Variants in MARCHF1 observed in about 807,000 individuals in gnomAD.
MARCHF1 encodes the protein E3 ubiquitin-protein ligase MARCHF1.
Under a neutral mutation model 54.2 loss-of-function variants are expected in MARCHF1, and 40 were observed. That is an observed-to-expected ratio of 0.74 (90% CI 0.57 to 0.96). The LOEUF (loss-of-function observed/expected upper bound fraction) is 0.96, where lower values mean the gene tolerates loss of function less well. MARCHF1 is among the 40% of genes least tolerant of loss of function. The pLI is 0.00. For synonymous variants in MARCHF1, 236 were observed against 236.3 expected, an observed-to-expected ratio of 1.00 and a Z score of 0.01; for missense variants, 586 against 656.5, an observed-to-expected ratio of 0.89 and a Z score of 1.17.
chr4:163,756,425 G>A (rs545257241), intron 4 of MARCHF1, among the ~76,000 whole-genome samples: 2 of 151,662 alleles, frequency 1.3e-5, no homozygotes, highest in East Asian at 1.9e-4. Context: ...TCAGGAGATC[G>A]AGACTATCCT....
intron 1 of MARCHF1, among the ~76,000 whole-genome samples, chr4:164,233,525 C>T (rs1278113195): frequency 6.6e-6 from 1 of 152,096 alleles, no homozygotes; most frequent in Non-Finnish European, 1.5e-5. Context: ...GTCTGTTTAC[C>T]TCTCATGACA....
intron 1 of MARCHF1, among the ~76,000 whole-genome samples, chr4:164,247,723 G>A (rs868194984): frequency 8.0e-5 from 12 of 150,764 alleles, no homozygotes; most frequent in Admixed American, 2.7e-4. Flanking sequence ...ATATTATGTC[G>A]CTGTTTTTTC....
chr4:163,600,795 A>C (rs1740938640), intron 7 of MARCHF1, among the ~76,000 whole-genome samples: 1 of 152,166 alleles, frequency 6.6e-6, no homozygotes. Flanking sequence ...GAACATGGAG[A>C]GGTTTTGATT....
At chr4:164,242,658 T>C (rs1478836874) in intron 1 of MARCHF1, among the ~76,000 whole-genome samples, 6 of 151,932 alleles carry the variant, frequency 3.9e-5, no homozygotes, top group Non-Finnish European at 8.8e-5. Context: ...GAGAAGAAGG[T>C]TTCAGATGAT....
intron 1 of MARCHF1, among the ~76,000 whole-genome samples, chr4:164,379,693 T>C (rs1038558700): frequency 6.6e-6 from 1 of 152,154 alleles, no homozygotes; most frequent in Non-Finnish European, 1.5e-5. Flanking sequence ...GTCAAAAGAA[T>C]AACAAATGTT....
chr4:164,190,353 G>A lies in MARCHF1; in HGVS notation c.-322-78691C>T, dbSNP rs1047069024. 3 of 614,808 alleles carry A rather than the reference G, an allele frequency of 4.9e-6. No individual in the cohort carries two copies. The Admixed American group carries it at 8.7e-5, about 18-fold the overall frequency. The allele number at this position is 614,808 out of a possible 1,614,324, so 38.1% of individuals were successfully genotyped here. A position where few individuals can be genotyped will look rare whatever the true frequency, so the allele number is the denominator to read the frequency against. On this transcript the variant is annotated intron_variant, in intron 1 of 9. Transcript: ENST00000514618. ...GAGTTGTAGACACAGATCTGCTACT[G>A]CTGTAATATTGTAAATACTGGACTC... is the stretch of plus-strand genomic sequence containing the variant.
Position 164,163,703 on chromosome 4 carries a change from T to G in MARCHF1, c.-322-52041A>C, listed in dbSNP as rs539449694. On this transcript the variant is annotated intron_variant, in intron 1 of 9. Coordinates refer to ENST00000514618, the MANE Select transcript of MARCHF1 (RefSeq NM_001394959.1). ...ATGAGAGAATGAATAATCAGAAAAT[T>G]AGTGGAACACATAAGCAACAGTATC... 2.5e-4 allele frequency among the ~76,000 whole-genome samples: 38 copies of G among 152,042 alleles called. No individual in the cohort carries two copies. The East Asian group carries it at 7.1e-3, about 29-fold the overall frequency.
intron 1 of MARCHF1, among the ~76,000 whole-genome samples, chr4:164,141,274 A>G (rs1489715064): frequency 6.6e-6 from 1 of 152,216 alleles, no homozygotes; most frequent in South Asian, 2.1e-4. Context: ...TTTTAAGATC[A>G]TCATGGGTCT....
chr4:164,226,980 G>A (rs996028887), intron 1 of MARCHF1, among the ~76,000 whole-genome samples: 1 of 151,994 alleles, frequency 6.6e-6, no homozygotes, highest in African/African-American at 2.4e-5. Flanking sequence ...ATTTGAGGGT[G>A]GTTTTTTATT....
At chr4:164,183,601 T>C (rs1730889606) in intron 1 of MARCHF1, among the ~76,000 whole-genome samples, 1 of 152,222 alleles carries the variant, frequency 6.6e-6, no homozygotes, top group African/African-American at 2.4e-5. Flanking sequence ...AGAAGTTTTG[T>C]TGCTTTGTTT....
chr4:163,853,963 T>C (rs1440394724), intron 4 of MARCHF1, 58 bp downstream of exon 4: 2 of 1,459,322 alleles, frequency 1.4e-6, no homozygotes, highest in African/African-American at 1.4e-5. Flanking sequence ...CTCTCCACAT[T>C]TCTTTAGCAT....
intron 1 of MARCHF1, among the ~76,000 whole-genome samples, chr4:164,317,013 C>G (rs2110744217): frequency 1.3e-5 from 2 of 152,252 alleles, no homozygotes; most frequent in Middle Eastern, 6.8e-3. Context: ...ATTGCCGAGT[C>G]TCAAGTAGTT....
intron 1 of MARCHF1, among the ~76,000 whole-genome samples, chr4:164,355,424 T>C (rs1192432567): frequency 1.1e-3 from 134 of 125,664 alleles, no homozygotes; most frequent in African/African-American, 3.9e-3. Context: ...GAGATATAGA[T>C]CAATGGAACA....
chr4:163,613,599 G>C, intron 5 of MARCHF1: 1 of 1,450,258 alleles, frequency 6.9e-7, no homozygotes, highest in Non-Finnish European at 9.1e-7. Context: ...CTGAGATGCT[G>C]CGCTATTTTG....
intron 1 of MARCHF1, among the ~76,000 whole-genome samples, chr4:164,211,278 G>GTATATA (rs10548085): frequency 4.1e-5 from 6 of 145,866 alleles, no homozygotes; most frequent in African/African-American, 1.3e-4. Context: ...TAATCTTTAT[G>GTATATA]TATATATATA....
At chr4:164,259,497 T>C (rs1454250080) in intron 1 of MARCHF1, among the ~76,000 whole-genome samples, 1 of 15,010 alleles carries the variant, frequency 6.7e-5, no homozygotes, top group Non-Finnish European at 1.1e-4. Flanking sequence ...TGAGCTGAGA[T>C]CACGGCTACT....
chr4:163,931,370 CCAAAGTGATG>C (rs1345385196), intron 3 of MARCHF1, among the ~76,000 whole-genome samples: 4 of 152,002 alleles, frequency 2.6e-5, no homozygotes, highest in African/African-American at 9.7e-5. Flanking sequence ...GTGTTAACCC[CCAAAGTGATG>C]ACATTAGTAT....
chr4:163,589,393 C>A (rs10030212), intron 7 of MARCHF1, among the ~76,000 whole-genome samples: 65,571 of 151,772 alleles, frequency 0.43, 14,238 homozygotes, highest in East Asian at 0.52. Context: ...TAGGGAAAAT[C>A]AAAAACTTGG....
chr4:164,003,398 A>T (rs1753223869), intron 2 of MARCHF1, among the ~76,000 whole-genome samples: 1 of 152,104 alleles, frequency 6.6e-6, no homozygotes, highest in Non-Finnish European at 1.5e-5. Flanking sequence ...AAATTGTCAG[A>T]CTGTATAAAT....
Sources: gnomAD v4.1 joint callset for allele counts (sites outside exome capture counted in the v4.1 genomes callset) on GRCh38, gnomAD v4.1.1 for gene constraint, MANE v1.5 for transcripts, NCBI Gene and HGNC (gene_info 2026-07-23, HGNC 2026-07-21) for gene names.